The following COLEC12 variants were observed in gnomAD, a reference collection of about 807,000 sequenced individuals.
COLEC12 encodes collectin subfamily member 12.
In COLEC12, 33 loss-of-function variants were observed where a neutral mutation model predicts 71.1. The observed-to-expected ratio is 0.46, with a 90% CI of 0.35 to 0.62. The LOEUF (loss-of-function observed/expected upper bound fraction) is 0.62. Ranked by LOEUF, COLEC12 falls within the 20% of genes least tolerant of loss-of-function variation. The probability of loss-of-function intolerance (pLI) is 0.00; values close to 1 mark genes in which losing one functional copy is unlikely to be tolerated. For synonymous variants in COLEC12, 350 were observed against 353.0 expected (o/e 0.99, Z 0.10); for missense variants, 765 against 916.1 (o/e 0.84, Z 2.13).
intron 2 of COLEC12, among the ~76,000 whole-genome samples, chr18:474,946 C>T (rs570934332): frequency 1.3e-5 from 2 of 151,876 alleles, no homozygotes; most frequent in South Asian, 2.1e-4. Flanking sequence ...TCGGTGGCGG[C>T]GCCTGTAGTC....
chr18:403,071 G>A (rs776355184), intron 2 of COLEC12, among the ~76,000 whole-genome samples: 54 of 152,318 alleles, frequency 3.5e-4, no homozygotes, highest in South Asian at 8.3e-4. Flanking sequence ...AGCGTATTAA[G>A]GATCCCAAAG....
At chr18:394,946 AC>A (rs1211212782) in intron 2 of COLEC12, among the ~76,000 whole-genome samples, 2 of 152,036 alleles carry the variant, frequency 1.3e-5, no homozygotes, top group Non-Finnish European at 2.9e-5. Context: ...AACAAAAAAA[AC>A]ACCTGGTATT....
intron 2 of COLEC12, among the ~76,000 whole-genome samples, chr18:471,524 T>G (rs1917197155): frequency 1.3e-5 from 2 of 152,038 alleles, no homozygotes; most frequent in South Asian, 4.1e-4. Flanking sequence ...CCTTGTAGCT[T>G]CATTTATAGC....
At chr18:471,773 A>G (rs1954817) in intron 2 of COLEC12, among the ~76,000 whole-genome samples, 122,225 of 151,938 alleles carry the variant, frequency 0.8, 49,429 homozygotes, top group East Asian at 0.98. Flanking sequence ...AATAGTGGCT[A>G]AAGTGCTTAA....
intron 2 of COLEC12, among the ~76,000 whole-genome samples, chr18:388,021 C>T (rs915852382): frequency 1.3e-5 from 2 of 152,116 alleles, no homozygotes; most frequent in East Asian, 1.9e-4. Context: ...GTATCTTCCC[C>T]GCAAAACAGT....
At chr18:488,340 G>A (rs1375731419) in intron 1 of COLEC12, among the ~76,000 whole-genome samples, 3 of 152,084 alleles carry the variant, frequency 2.0e-5, no homozygotes, top group Non-Finnish European at 4.4e-5. Context: ...GAACCCGGGA[G>A]GCGGAAGTTG....
intron 8 of COLEC12, among the ~76,000 whole-genome samples, chr18:331,041 G>A (rs549077573): frequency 2.7e-5 from 4 of 150,828 alleles, no homozygotes; most frequent in East Asian, 4.1e-4. Context: ...CACCATATCC[G>A]GCTAATTTTT....
At chr18:331,987 A>G (rs776047960) in intron 7 of COLEC12, among the ~76,000 whole-genome samples, 1 of 152,196 alleles carries the variant, frequency 6.6e-6, no homozygotes, top group African/African-American at 2.4e-5. Flanking sequence ...TTACAAGTTT[A>G]CAACGGATGT....
intron 2 of COLEC12, among the ~76,000 whole-genome samples, chr18:374,098 G>A (rs1259965408): frequency 4.6e-5 from 7 of 152,282 alleles, no homozygotes; most frequent in Non-Finnish European, 7.3e-5. Flanking sequence ...CAAAGGCAGC[G>A]AGCGGCATAT....
intron 2 of COLEC12, among the ~76,000 whole-genome samples, chr18:479,062 T>C (rs942598055): frequency 6.6e-6 from 1 of 152,222 alleles, no homozygotes; most frequent in African/African-American, 2.4e-5. Flanking sequence ...TGCCAAAACA[T>C]GTAGGCATCT....
At chr18:356,595 A>C (rs1023968399) in intron 3 of COLEC12, among the ~76,000 whole-genome samples, 7 of 152,214 alleles carry the variant, frequency 4.6e-5, no homozygotes, top group Admixed American at 3.3e-4. Context: ...CTGATGATCC[A>C]CAGACTCCAC....
chr18:328,403 A>G (rs761585419), intron 8 of COLEC12, among the ~76,000 whole-genome samples: 5 of 152,192 alleles, frequency 3.3e-5, no homozygotes, highest in Non-Finnish European at 5.9e-5. Context: ...GGCCATGCAG[A>G]GAACGTTTTT....
rs532443799 is a variant in COLEC12, at chr18:470,419, G to A, written c.58+10288C>T. ...GCTAATTTTTTTTTTGTTTTTAATA[G>A]AGATGGGGTTTCACCATGTTGGCCA... On this transcript the variant is annotated intron_variant, in intron 2 of 9. Coordinates refer to ENST00000400256, the MANE Select transcript of COLEC12 (RefSeq NM_130386.3). Among the ~76,000 whole-genome samples, 7 of 151,174 alleles carry A rather than the reference G, an allele frequency of 4.6e-5. 1 individual carries two copies. Among genetic ancestry groups the A allele is most frequent in the South Asian group, 2.1e-4 (1 of 4,772 alleles).
intron 2 of COLEC12, among the ~76,000 whole-genome samples, chr18:472,657 T>C (rs1028248563): frequency 9.2e-5 from 11 of 119,780 alleles, no homozygotes; most frequent in African/African-American, 3.6e-4. Flanking sequence ...CCAGCCTGGG[T>C]GACAGAGTGA....
At chr18:486,581 A>C (rs1406817156) in intron 1 of COLEC12, among the ~76,000 whole-genome samples, 2 of 152,220 alleles carry the variant, frequency 1.3e-5, no homozygotes, top group Admixed American at 6.5e-5. Flanking sequence ...GAGTGGCCAG[A>C]TCAAGAGGAA....
rs575167909 is a variant in COLEC12, at chr18:331,249, A to G, written c.2063+419T>C. On this transcript the variant is annotated intron_variant, in intron 8 of 9. Transcript: ENST00000400256. ...CTGCCTAGAAGCCCAACTAGGGGTC[A>G]GGGGCACCCACAGTGTGATCCTGAA... 9.8e-5 allele frequency among the ~76,000 whole-genome samples: 15 copies of G among 152,298 alleles called. 1 individual carries two copies. The South Asian group carries it at 2.7e-3, about 27-fold the overall frequency.
In COLEC12 at chr18:386,971, C is replaced by T. The variant is rs928361173; in HGVS notation, c.59-29449G>A. ...GTGAGGAGTTTTGTTACAGAAAGAA[C>T]GCAGACCGCTACCATATCTGCTGAA... is the stretch of plus-strand genomic sequence containing the variant. On this transcript the variant is annotated intron_variant, in intron 2 of 9. Transcript: ENST00000400256. 5.3e-5 allele frequency among the ~76,000 whole-genome samples: 8 copies of T among 152,224 alleles called. No individual in the cohort carries two copies. In the East Asian group the frequency reaches 1.4e-3, roughly 26 times the overall value.
At chr18:435,336 G>A (rs1378656321) in intron 2 of COLEC12, among the ~76,000 whole-genome samples, 1 of 152,206 alleles carries the variant, frequency 6.6e-6, no homozygotes, top group African/African-American at 2.4e-5. Context: ...AATCATGGCA[G>A]AAGGCAAAGA....
chr18:328,645 C>A (rs1196801998), intron 8 of COLEC12, among the ~76,000 whole-genome samples: 1 of 152,188 alleles, frequency 6.6e-6, no homozygotes, highest in Non-Finnish European at 1.5e-5. Flanking sequence ...ACAGCTATCA[C>A]ACTTTATTTT....
Sources: allele counts gnomAD v4.1 joint callset (sites outside exome capture counted in the v4.1 genomes callset), GRCh38; gene constraint gnomAD v4.1.1; transcripts MANE v1.5; gene names NCBI Gene and HGNC (gene_info 2026-07-23, HGNC 2026-07-21).